NCOA3: variants seen among roughly 807,000 people sequenced by gnomAD.
NCOA3 encodes the protein nuclear receptor coactivator 3, also known as CBP-interacting protein.
Under a neutral mutation model 158.8 loss-of-function variants are expected in NCOA3, and 51 were observed. That is an observed-to-expected ratio of 0.32 (90% CI 0.26 to 0.41). The LOEUF (loss-of-function observed/expected upper bound fraction) is 0.41. Among genes scored for constraint, NCOA3 ranks in the 10% least tolerant of loss-of-function variants. The pLI is 1.00. For missense variants in NCOA3, 1,510 were observed against 1,746.6 expected, an observed-to-expected ratio of 0.86 and a Z score of 2.41; for synonymous variants, 537 against 592.4, an observed-to-expected ratio of 0.91 and a Z score of 1.36.
Position 47,656,741 on chromosome 20 carries a change from TAAAA to T in NCOA3, c.*3328_*3331del, listed in dbSNP as rs980284275. ...TCAATCAAGTTTACATTATGTTGCT[TAAAA>T]AAATAGAAATTATTCTTTATCTTGC... is the stretch of plus-strand genomic sequence containing the variant. On this transcript the variant is annotated 3_prime_UTR_variant, in exon 23 of 23. Coordinates refer to ENST00000371998, the MANE Select transcript of NCOA3 (RefSeq NM_181659.3). The T allele has an allele frequency of 6.6e-6, 1 of 152,530 alleles. No individual in the cohort carries two copies. The highest frequency in any genetic ancestry group is 1.5e-5 in the Non-Finnish European group (1 of 68,018). The allele number at this position is 152,530 out of a possible 1,614,324, so 9.4% of individuals were successfully genotyped here. A position where few individuals can be genotyped will look rare whatever the true frequency, so the allele number is the denominator to read the frequency against.
Position 47,635,500 on chromosome 20 carries a change from G to A in NCOA3, c.1291G>A (p.Ala431Thr). Residue 431 changes from alanine to threonine, a missense_variant, in exon 11 of 23, where the codon GCT (alanine) becomes ACT (threonine). Physicochemically the swap from Ala to Thr is moderately conservative, Grantham distance 58. Transcript: ENST00000371998. Reference sequence around the variant, plus strand: ...TAGCACCACAGGGCAGATGAGTGGAGCTAGGTATGGGGGTTCCAGTAACAT... The same window carrying A: ...TAGCACCACAGGGCAGATGAGTGGAACTAGGTATGGGGGTTCCAGTAACAT... ...DPSTTGQMSG[A>T]RYGGSSNIAS... The A allele has an allele frequency of 6.2e-7, 1 of 1,614,094 alleles. No individual in the cohort carries two copies. Among genetic ancestry groups the A allele is most frequent in the Non-Finnish European group, 8.5e-7 (1 of 1,180,016 alleles).
intron 1 of NCOA3, among the ~76,000 whole-genome samples, chr20:47,556,107 G>A (rs1328741732): frequency 1.3e-5 from 2 of 151,228 alleles, no homozygotes; most frequent in South Asian, 2.1e-4. Context: ...GCTAATTTTC[G>A]TATTTTTATT....
At chr20:47,594,730 C>T (rs1411676675) in intron 2 of NCOA3, among the ~76,000 whole-genome samples, 6 of 142,602 alleles carry the variant, frequency 4.2e-5, no homozygotes, top group Non-Finnish European at 7.6e-5. Context: ...TTGCTGGGCA[C>T]GGTGGCTCAC....
chr20:47,552,296 G>A (rs951504250), intron 1 of NCOA3, among the ~76,000 whole-genome samples: 1 of 152,124 alleles, frequency 6.6e-6, no homozygotes, highest in Non-Finnish European at 1.5e-5. Flanking sequence ...CTATAAATTA[G>A]CCATAGCCCA....
chr20:47,594,697 A>G (rs2085719756), intron 2 of NCOA3, among the ~76,000 whole-genome samples: 1 of 130,872 alleles, frequency 7.6e-6, no homozygotes, highest in Non-Finnish European at 1.6e-5. Context: ...AAAAAAAAAG[A>G]GAAGATGAAA....
At chr20:47,622,445 C>G in intron 3 of NCOA3, 115 bp downstream of exon 3, 1 of 663,742 alleles carries the variant, frequency 1.5e-6, no homozygotes, top group Non-Finnish European at 2.5e-6. Context: ...GGTTTCACTT[C>G]GTGGTAAGTA....
At chr20:47,599,548 A>G (rs2085823226) in intron 2 of NCOA3, among the ~76,000 whole-genome samples, 1 of 152,248 alleles carries the variant, frequency 6.6e-6, no homozygotes, top group Non-Finnish European at 1.5e-5. Context: ...TTAATATCTC[A>G]GTAAAGCTGT....
chr20:47,550,704 G>A (rs1202245336), intron 1 of NCOA3, among the ~76,000 whole-genome samples: 1 of 152,132 alleles, frequency 6.6e-6, no homozygotes, highest in African/African-American at 2.4e-5. Flanking sequence ...AGAATTGAAT[G>A]ACATCGCTTT....
intron 2 of NCOA3, among the ~76,000 whole-genome samples, chr20:47,606,014 A>C (rs963171892): frequency 7.2e-5 from 11 of 152,056 alleles, no homozygotes; most frequent in African/African-American, 1.9e-4. Context: ...CCCCTGACTA[A>C]TTTTTTTGTA....
intron 2 of NCOA3, among the ~76,000 whole-genome samples, chr20:47,597,558 G>A (rs1414963701): frequency 1.3e-5 from 2 of 150,338 alleles, no homozygotes; most frequent in African/African-American, 2.5e-5. Flanking sequence ...GTGCGATCTC[G>A]GCTAACTGTA....
intron 1 of NCOA3, among the ~76,000 whole-genome samples, chr20:47,518,216 C>T (rs540490285): frequency 5.9e-5 from 9 of 151,716 alleles, no homozygotes; most frequent in Non-Finnish European, 1.0e-4. Context: ...CATGGTGGTG[C>T]GCACCTGTAA....
At chr20:47,595,555 T>G (rs1386284785) in intron 2 of NCOA3, among the ~76,000 whole-genome samples, 1 of 152,186 alleles carries the variant, frequency 6.6e-6, no homozygotes, top group Non-Finnish European at 1.5e-5. Flanking sequence ...AAAAGAGTGA[T>G]TTATTATTGG....
intron 2 of NCOA3, among the ~76,000 whole-genome samples, chr20:47,585,046 CTTTT>C (rs11473989): frequency 8.8e-5 from 8 of 91,344 alleles, no homozygotes; most frequent in South Asian, 3.8e-4. Context: ...CCTTTCTTAA[CTTTT>C]TTTTTTTTTT....
intron 17 of NCOA3, among the ~76,000 whole-genome samples, chr20:47,646,231 A>G (rs1314914509): frequency 6.6e-6 from 1 of 152,200 alleles, no homozygotes; most frequent in Non-Finnish European, 1.5e-5. Context: ...TAGTTGTTAC[A>G]CTGTATTGTT....
chr20:47,506,002 A>G (rs2084027065), intron 1 of NCOA3, among the ~76,000 whole-genome samples: 1 of 152,080 alleles, frequency 6.6e-6, no homozygotes, highest in Non-Finnish European at 1.5e-5. Context: ...ATGGGGTTTC[A>G]TCGTGTTGGC....
chr20:47,641,790 T>C (rs985286139), intron 16 of NCOA3, among the ~76,000 whole-genome samples: 3 of 152,050 alleles, frequency 2.0e-5, no homozygotes, highest in South Asian at 2.1e-4. Flanking sequence ...CCACTGCGCC[T>C]GGCCATAGCT....
Position 47,652,425 on chromosome 20 carries a change from T to A in NCOA3, c.3966T>A (p.Asp1322Glu), listed in dbSNP as rs1314582567. ...TGTAAGGAATGGGACAACAACCAGA[T>A]CCAGCCTTTGGTCGAGTGTCTAGTC... The part of the protein sequence containing the change: ...QPNYGMGQQP[D>E]PAFGRVSSPP... Residue 1322 changes from aspartate to glutamate, a missense_variant, in exon 21 of 23, where the codon GAT becomes GAA. Coordinates refer to ENST00000371998, the MANE Select transcript of NCOA3 (RefSeq NM_181659.3). 1.2e-6 allele frequency: 2 copies of A among 1,606,036 alleles called. No homozygotes were observed. Among genetic ancestry groups the A allele is most frequent in the Non-Finnish European group, 1.7e-6 (2 of 1,173,286 alleles).
At chr20:47,591,477 AC>A (rs138487000) in intron 2 of NCOA3, among the ~76,000 whole-genome samples, 1,806 of 152,270 alleles carry the variant, frequency 0.012, 38 homozygotes, top group African/African-American at 0.042. Context: ...AGAAGCCATC[AC>A]CCATTTGACA....
chr20:47,605,769 G>GT (rs927411879), intron 2 of NCOA3, among the ~76,000 whole-genome samples: 2 of 152,106 alleles, frequency 1.3e-5, no homozygotes, highest in Non-Finnish European at 2.9e-5. Context: ...GAGCGTAACT[G>GT]TGTCTTTTGA....
Sources: gnomAD v4.1 joint callset for allele counts (sites outside exome capture counted in the v4.1 genomes callset) on GRCh38, gnomAD v4.1.1 for gene constraint, MANE v1.5 for transcripts, NCBI Gene and HGNC (gene_info 2026-07-23, HGNC 2026-07-21) for gene names.